PCDHA1: variants seen among roughly 807,000 people sequenced by gnomAD.
PCDHA1 encodes the protein protocadherin alpha-1.
Under a neutral mutation model 61.3 loss-of-function variants are expected in PCDHA1, and 42 were observed. The ratio of observed to expected loss-of-function variants is 0.69; its 90% CI spans 0.54 to 0.89. The LOEUF is 0.89. PCDHA1 is among the 40% of genes least tolerant of loss of function. The probability of loss-of-function intolerance (pLI) is 0.00; values close to 1 mark genes in which losing one functional copy is unlikely to be tolerated. For synonymous variants in PCDHA1, 610 were observed against 553.8 expected, an observed-to-expected ratio of 1.10 and a Z score of -1.43; for missense variants, 1,256 against 1,235.3, an observed-to-expected ratio of 1.02 and a Z score of -0.25.
chr5:140,924,824 G>T (rs782384284), intron 1 of PCDHA1, among the ~76,000 whole-genome samples: 5 of 151,742 alleles, frequency 3.3e-5, no homozygotes, highest in African/African-American at 4.8e-5. Context: ...GAACCTGGGA[G>T]GGGGAGGTTG....
Position 141,010,271 on chromosome 5 carries a change from C to T in PCDHA1, c.*334C>T, listed in dbSNP as rs1031489236. The T allele has an allele frequency of 5.5e-5, 85 of 1,551,586 alleles. No individual in the cohort carries two copies. The highest frequency in any genetic ancestry group is 7.2e-5 in the Non-Finnish European group (83 of 1,146,992). On this transcript the variant is annotated 3_prime_UTR_variant, in exon 4 of 4. Coordinates refer to ENST00000504120, the MANE Select transcript of PCDHA1 (RefSeq NM_018900.4). ...CTCTCTGCCCTGTGCTCCGGGGATCCTGTCTTGATGACACTTGCAGGGCAG... is the reference window on the plus strand; with the variant it reads ...CTCTCTGCCCTGTGCTCCGGGGATCTTGTCTTGATGACACTTGCAGGGCAG...
chr5:140,924,253 A>G (rs550218351), intron 1 of PCDHA1, among the ~76,000 whole-genome samples: 1 of 152,212 alleles, frequency 6.6e-6, no homozygotes, highest in African/African-American at 2.4e-5. Context: ...TCCTGGTGAG[A>G]TCTAATGAGG....
intron 1 of PCDHA1, among the ~76,000 whole-genome samples, chr5:140,903,649 T>C (rs1335268583): frequency 6.6e-6 from 1 of 152,236 alleles, no homozygotes; most frequent in Non-Finnish European, 1.5e-5. Context: ...CATATACATA[T>C]ATTATAAATT....
chr5:140,870,891 G>A, intron 1 of PCDHA1: 2 of 1,613,964 alleles, frequency 1.2e-6, no homozygotes, highest in Non-Finnish European at 1.7e-6. Flanking sequence ...TGCGCGCAGT[G>A]GATGCGGACT....
At position 140,871,409 on chromosome 5, in the gene PCDHA1, T is replaced by C. The variant is rs2053060094; in HGVS notation, c.2394+82725T>C. The C allele has an allele frequency of 1.2e-6, 2 of 1,613,974 alleles. No homozygotes were observed. Among genetic ancestry groups the C allele is most frequent in the African/African-American group, 1.3e-5 (1 of 74,954 alleles). On this transcript the variant is annotated intron_variant, in intron 1 of 3. Coordinates refer to ENST00000504120, the MANE Select transcript of PCDHA1 (RefSeq NM_018900.4). ...GAGGGCCCACCTAAGACGGACCTCATGGCCTTCAGCCCCAGTCTTCCTCTA... is the reference window on the plus strand; with the variant it reads ...GAGGGCCCACCTAAGACGGACCTCACGGCCTTCAGCCCCAGTCTTCCTCTA...
intron 1 of PCDHA1, chr5:140,822,726 T>C (rs970673093): frequency 4.1e-5 from 66 of 1,612,616 alleles, no homozygotes; most frequent in Non-Finnish European, 5.4e-5. Context: ...CATATGAAAT[T>C]AATATTGATG....
chr5:141,005,263 A>T (rs1223276392), intron 3 of PCDHA1, among the ~76,000 whole-genome samples: 2 of 152,198 alleles, frequency 1.3e-5, no homozygotes, highest in Admixed American at 1.3e-4. Context: ...GGCACTGGTG[A>T]TACATTGGTG....
At chr5:140,819,812 G>T (rs1000166863) in intron 1 of PCDHA1, among the ~76,000 whole-genome samples, 2 of 152,040 alleles carry the variant, frequency 1.3e-5, no homozygotes, top group Admixed American at 1.3e-4. Flanking sequence ...ACTGAGAGGA[G>T]CATGTGAACT....
At chr5:140,799,382 G>A (rs184046371) in intron 1 of PCDHA1, among the ~76,000 whole-genome samples, 2 of 152,140 alleles carry the variant, frequency 1.3e-5, no homozygotes, top group East Asian at 3.9e-4. Context: ...AGTCCATGAA[G>A]TTTAAAAATT....
At chr5:140,928,277 C>A (rs2085098556) in intron 1 of PCDHA1, 2 of 1,614,156 alleles carry the variant, frequency 1.2e-6, no homozygotes, top group South Asian at 2.2e-5. Context: ...GGCCCTGGGG[C>A]CTCTCTAGGC....
rs1761374985 is a variant in PCDHA1 at position 140,787,489 on chromosome 5, C to A, written c.1199C>A (p.Thr400Asn). The A allele has an allele frequency of 6.2e-7, 1 of 1,614,236 alleles. No homozygotes were observed. The highest frequency in any genetic ancestry group is 8.5e-7 in the Non-Finnish European group (1 of 1,180,040). The change falls in exon 1 of 4, where the codon ACC becomes AAC. Residue 400 changes from threonine to asparagine, a missense_variant. Coordinates refer to ENST00000504120, the MANE Select transcript of PCDHA1 (RefSeq NM_018900.4). The part of the protein sequence containing the change: ...MPHVPFKLVS[T>N]FKNYYSLVLD... ...CACGTCCCCTTCAAGCTGGTGTCCACCTTCAAGAATTACTACTCGTTGGTG... is the reference window on the plus strand; with the variant it reads ...CACGTCCCCTTCAAGCTGGTGTCCAACTTCAAGAATTACTACTCGTTGGTG...
At chr5:141,008,488 C>A (rs1300609417) in intron 3 of PCDHA1, among the ~76,000 whole-genome samples, 1 of 152,124 alleles carries the variant, frequency 6.6e-6, no homozygotes, top group Non-Finnish European at 1.5e-5. Flanking sequence ...CTAGAAGTCA[C>A]TGGTATACTT....
At chr5:140,832,869 C>T (rs1354245484) in intron 1 of PCDHA1, among the ~76,000 whole-genome samples, 1 of 152,030 alleles carries the variant, frequency 6.6e-6, no homozygotes, top group Non-Finnish European at 1.5e-5. Flanking sequence ...TGATGTTTTA[C>T]TGGTTATAAA....
chr5:140,857,789 C>T lies in PCDHA1; in HGVS notation c.2394+69105C>T, dbSNP rs576562662. Reference sequence around the variant, plus strand: ...GGGCGGTGCAGTCAGTGAGCTGGTGCTGCGGTCGGTGGTTGCGGGTCACGT... The same window carrying T: ...GGGCGGTGCAGTCAGTGAGCTGGTGTTGCGGTCGGTGGTTGCGGGTCACGT... On this transcript the variant is annotated intron_variant, in intron 1 of 3. Transcript: ENST00000504120. 7.5e-6 allele frequency: 12 copies of T among 1,597,704 alleles called. No homozygotes were observed. In the African/African-American group the frequency reaches 1.5e-4, roughly 20 times the overall value.
intron 1 of PCDHA1, chr5:140,862,036 A>G (rs1554155572): frequency 6.4e-6 from 1 of 155,636 alleles, no homozygotes; most frequent in African/African-American, 2.4e-5. Flanking sequence ...CGAGGGTTCA[A>G]ACCGTCACAT....
At position 140,830,179 on chromosome 5, in the gene PCDHA1, C is replaced by T. The variant is rs2150182453; in HGVS notation, c.2394+41495C>T. The T allele has an allele frequency of 6.2e-6, 10 of 1,613,648 alleles. No homozygotes were observed. In the South Asian group the frequency reaches 9.9e-5, roughly 16 times the overall value. On this transcript the variant is annotated intron_variant, in intron 1 of 3. Transcript: ENST00000504120. ...GCCCAGAGGCGGCGCTGGTGGATGT[C>T]AACGTGTACCTGATCATCGCCATCT...
At chr5:140,982,207 C>T (rs868956427) in intron 2 of PCDHA1, 8 of 429,564 alleles carry the variant, frequency 1.9e-5, no homozygotes, top group East Asian at 1.5e-4. Flanking sequence ...ATTTAGTGAG[C>T]GCCACATGGC....
intron 1 of PCDHA1, chr5:140,802,900 C>G (rs758831845): frequency 6.6e-5 from 106 of 1,613,672 alleles, no homozygotes; most frequent in Non-Finnish European, 8.8e-5. Flanking sequence ...CTGCTGATGC[C>G]TCGGGTGGGT....
intron 1 of PCDHA1, among the ~76,000 whole-genome samples, chr5:140,975,074 G>C (rs2096653166): frequency 1.3e-5 from 2 of 152,152 alleles, no homozygotes; most frequent in South Asian, 4.1e-4. Flanking sequence ...CATTCAGATT[G>C]TTGGCAGAAT....
Sources: allele counts gnomAD v4.1 joint callset (sites outside exome capture counted in the v4.1 genomes callset), GRCh38; gene constraint gnomAD v4.1.1; transcripts MANE v1.5; gene names NCBI Gene and HGNC (gene_info 2026-07-23, HGNC 2026-07-21).